CDC5L: variants seen among roughly 807,000 people sequenced by gnomAD.
The protein encoded by CDC5L is cell division cycle 5 like, also known as cell division cycle 5-like protein.
CDC5L carries 18 observed loss-of-function variants against 104.1 expected under a neutral mutation model. The ratio of observed to expected loss-of-function variants is 0.17; its 90% CI spans 0.12 to 0.26. The LOEUF is 0.26. Ranked by LOEUF, CDC5L falls within the 10% of genes least tolerant of loss-of-function variation. The pLI, the probability that CDC5L is intolerant of heterozygous loss-of-function variation, is 1.00. For missense variants in CDC5L, 673 were observed against 956.9 expected (o/e 0.70, Z 3.91); for synonymous variants, 331 against 322.7 (o/e 1.03, Z -0.28).
chr6:44,401,507 C>G (rs1161913349), intron 5 of CDC5L, among the ~76,000 whole-genome samples: 1 of 152,076 alleles, frequency 6.6e-6, no homozygotes, highest in Non-Finnish European at 1.5e-5. Flanking sequence ...AATGAAAGCC[C>G]TACTACTGGG....
chr6:44,408,624 A>C lies in CDC5L; in HGVS notation c.1084A>C (p.Ile362Leu). The change falls in exon 8 of 16, where the codon ATT becomes CTT. Residue 362 changes from isoleucine (I) to leucine (L), a missense_variant. Ile to Leu is a conservative substitution (Grantham distance 5). Transcript: ENST00000371477. ...ACGAACACCAGCTTCCCAGGACAGA[A>C]TTCTGCAGGTAACGTGTCACGTAGT... ...TPRTPASQDR[I>L]LQEAQNLMAL... 1 of 1,596,190 alleles carries C rather than the reference A, an allele frequency of 6.3e-7. No homozygotes were observed. Among genetic ancestry groups the C allele is most frequent in the South Asian group, 1.1e-5 (1 of 89,954 alleles).
chr6:44,424,287 T>C, intron 10 of CDC5L, 132 bp from the exon 11 acceptor site: 1 of 757,156 alleles, frequency 1.3e-6, no homozygotes, highest in Non-Finnish European at 2.1e-6. Flanking sequence ...CCAATTATTC[T>C]TAGTTATTTT....
intron 8 of CDC5L, among the ~76,000 whole-genome samples, chr6:44,412,349 G>C (rs1791682151): frequency 6.6e-6 from 1 of 151,470 alleles, no homozygotes; most frequent in South Asian, 2.1e-4. Context: ...CCATTACCCA[G>C]GCTGGAGTGC....
intron 14 of CDC5L, among the ~76,000 whole-genome samples, chr6:44,430,720 G>A (rs962433249): frequency 3.3e-5 from 5 of 151,612 alleles, no homozygotes; most frequent in African/African-American, 7.3e-5. Flanking sequence ...CTACAGGCAC[G>A]CCCCACCACG....
intron 5 of CDC5L, among the ~76,000 whole-genome samples, chr6:44,401,445 C>T (rs901888425): frequency 6.6e-6 from 1 of 152,058 alleles, no homozygotes; most frequent in Non-Finnish European, 1.5e-5. Flanking sequence ...ACTTTTCAGC[C>T]ACTCTTGATG....
Position 44,393,487 on chromosome 6 carries a change from A to G in CDC5L, c.353A>G (p.Asp118Gly), listed in dbSNP as rs1261054288. The G allele has an allele frequency of 6.2e-7, 1 of 1,614,034 alleles. No homozygotes were observed. The highest frequency in any genetic ancestry group is 8.5e-7 in the Non-Finnish European group (1 of 1,179,916). Residue 118 changes from aspartate to glycine, a missense_variant, in exon 4 of 16, where the codon GAT becomes GGT. This residue lies in a region of CDC5L where 74 missense variants were observed against 123.5 expected (regional missense o/e 0.60). Transcript: ENST00000371477. Reference protein sequence around the residue: ...AQRDNEEETTDDPRKLKPGEI... With the variant: ...AQRDNEEETTGDPRKLKPGEI... ...AGAGACAATGAAGAGGAAACAACAGATGATCCACGAAAACTTAAACCTGGA... is the reference window on the plus strand; with the variant it reads ...AGAGACAATGAAGAGGAAACAACAGGTGATCCACGAAAACTTAAACCTGGA...
In CDC5L at chr6:44,391,076, A is replaced by G. The variant is rs13212379; in HGVS notation, c.149+705A>G. Among the ~76,000 whole-genome samples, 86 of 104,412 alleles carry G rather than the reference A, an allele frequency of 8.2e-4. 3 individuals are homozygous for G. The highest frequency in any genetic ancestry group is 2.9e-3 in the South Asian group (6 of 2,098). The allele number at this position is 104,412 out of a possible 152,430, so 68.5% of individuals were successfully genotyped here. On this transcript the variant is annotated intron_variant, in intron 2 of 15. Transcript: ENST00000371477. ...ATTAAACATATTTAATATGTTATAT[A>G]TTATATATTAAACATTTAATATGTT... is the stretch of plus-strand genomic sequence containing the variant.
In CDC5L at chr6:44,429,749, A is replaced by G. The variant is rs779214308; in HGVS notation, c.1930A>G (p.Lys644Glu). The G allele has an allele frequency of 3.7e-6, 6 of 1,613,984 alleles. No homozygotes were observed. The highest frequency in any genetic ancestry group is 5.1e-6 in the Non-Finnish European group (6 of 1,179,950). Residue 644 changes from lysine (K) to glutamate (E), a missense_variant, in exon 14 of 16, where the codon AAA becomes GAA. Coordinates refer to ENST00000371477, the MANE Select transcript of CDC5L (RefSeq NM_001253.4). The part of the protein sequence containing the change: ...DVLVQEMEVV[K>E]QGMSHGELSS... ...TTTGGTGCAGGAGATGGAAGTGGTT[A>G]AACAAGGAATGAGCCATGGAGAGCT...
rs760310212 is a variant in CDC5L, at chr6:44,422,715, C to G, written c.1310C>G (p.Ser437Cys). The G allele has an allele frequency of 4.3e-6, 7 of 1,612,868 alleles. No homozygotes were observed. The South Asian group carries it at 7.7e-5, about 18-fold the overall frequency. Reference protein sequence around the residue: ...SGTTPKPVINSTPGRTPLRDK... With the variant: ...SGTTPKPVINCTPGRTPLRDK... ...ACAACTCCCAAACCAGTTATTAACTCTACTCCGGGTAGAACTCCTCTTCGA... is the reference window on the plus strand; with the variant it reads ...ACAACTCCCAAACCAGTTATTAACTGTACTCCGGGTAGAACTCCTCTTCGA... Residue 437 changes from serine (S) to cysteine (C), a missense_variant, in exon 10 of 16, where the codon TCT becomes TGT. By Grantham distance (112) the Ser-to-Cys change is moderately radical. This residue lies in a region of CDC5L where 578 missense variants were observed against 737.0 expected (regional missense o/e 0.78). Transcript: ENST00000371477.
chr6:44,391,113 A>G (rs921013016), intron 2 of CDC5L, among the ~76,000 whole-genome samples: 2 of 143,466 alleles, frequency 1.4e-5, no homozygotes, highest in African/African-American at 2.7e-5. Flanking sequence ...TATATTATAT[A>G]TTAAACATAT....
chr6:44,424,470 C>G lies in CDC5L; in HGVS notation c.1456C>G (p.Pro486Ala). Residue 486 changes from proline (P) to alanine (A), a missense_variant, in exon 11 of 16, where the codon CCT becomes GCT. Physicochemically the swap from Pro to Ala is conservative, Grantham distance 27. Coordinates refer to ENST00000371477, the MANE Select transcript of CDC5L (RefSeq NM_001253.4). ...TTTAGGGTTGTTGGGCCTTCCTGCC[C>G]CTAAGAATGATTTTGAAATTGTTCT... ...LRLGLLGLPA[P>A]KNDFEIVLPE... 6.2e-7 allele frequency: 1 copy of G among 1,613,770 alleles called. No individual in the cohort carries two copies. Among genetic ancestry groups the G allele is most frequent in the Non-Finnish European group, 8.5e-7 (1 of 1,179,866 alleles).
chr6:44,445,753 G>T lies in CDC5L; in HGVS notation c.2190G>T (p.Gly730=), dbSNP rs761734242. 1.2e-6 allele frequency: 2 copies of T among 1,613,956 alleles called. No homozygotes were observed. Among genetic ancestry groups the T allele is most frequent in the Admixed American group, 1.7e-5 (1 of 60,010 alleles). The change falls in exon 15 of 16, where the codon GGG becomes GGT. Residue 730 remains glycine, a synonymous_variant. Coordinates refer to ENST00000371477, the MANE Select transcript of CDC5L (RefSeq NM_001253.4). ...GGGGTTACCAGTCTCGTGCTATGGG[G>T]CTCATGAAACAGTTGAATGACTTAT... ...LLGGYQSRAM[G]LMKQLNDLWD... is the part of the protein sequence containing the mutation.
intron 4 of CDC5L, among the ~76,000 whole-genome samples, chr6:44,394,888 GTATA>G (rs1790792578): frequency 1.2e-4 from 1 of 8,546 alleles, no homozygotes; most frequent in African/African-American, 4.1e-4. Flanking sequence ...AAAAAAAATG[GTATA>G]CACACACACA....
rs1468959321 is a variant in CDC5L at position 44,424,411 on chromosome 6, T to C, written c.1405-8T>C. Reference sequence around the variant, plus strand: ...CATGAATTGAGAAGGACCACTTCTTTTCTACAGGAAAGAGAATCCCGAGAA... The same window carrying C: ...CATGAATTGAGAAGGACCACTTCTTCTCTACAGGAAAGAGAATCCCGAGAA... On this transcript the variant is annotated splice_polypyrimidine_tract_variant and splice_region_variant and intron_variant, in intron 10 of 15. Transcript: ENST00000371477. 6.2e-7 allele frequency: 1 copy of C among 1,609,362 alleles called. No individual in the cohort carries two copies.
At position 44,436,107 on chromosome 6, in the gene CDC5L, G is replaced by T. The variant is rs183617610; in HGVS notation, c.2091+6197G>T. Among the ~76,000 whole-genome samples the T allele has an allele frequency of 6.5e-4, 99 of 152,214 alleles. 2 individuals are homozygous for T. The East Asian group carries it at 0.017, about 26-fold the overall frequency. ...AATTGTTTTTATTTGATGGAAGCAT[G>T]AGTTTGAGATAATATAAGATTAAAT... On this transcript the variant is annotated intron_variant, in intron 14 of 15. Transcript: ENST00000371477.
rs6942323 is a variant in CDC5L at position 44,392,943 on chromosome 6, A to G, written c.311+115A>G. On this transcript the variant is annotated intron_variant, in intron 3 of 15. Coordinates refer to ENST00000371477, the MANE Select transcript of CDC5L (RefSeq NM_001253.4). ...TTAATTATGGATGTGAGTAAACCCA[A>G]AGCTAAAGCCATTGGATAATATTTT... 0.78 allele frequency: 656,250 copies of G among 842,448 alleles called. 266,653 individuals carry two copies. Among genetic ancestry groups the G allele is most frequent in the Non-Finnish European group, 0.86 (483,438 of 559,042 alleles). 52.2% of individuals were successfully genotyped at this position (842,448 alleles called of 1,614,324 possible).
chr6:44,436,358 G>T lies in CDC5L; in HGVS notation c.2091+6448G>T, dbSNP rs562160990. On this transcript the variant is annotated intron_variant, in intron 14 of 15. Transcript: ENST00000371477. ...AGTTTTAGACATGGGCTGATTTTAG[G>T]AGAGAGATTGTTGTACTGAGTGAAG... Among the ~76,000 whole-genome samples, 110 of 152,186 alleles carry T rather than the reference G, an allele frequency of 7.2e-4. 1 individual carries two copies. Among genetic ancestry groups the T allele is most frequent in the Non-Finnish European group, 9.3e-4 (63 of 68,038 alleles).
chr6:44,398,714 T>A (rs868006103), intron 5 of CDC5L, among the ~76,000 whole-genome samples: 1 of 152,268 alleles, frequency 6.6e-6, no homozygotes, highest in African/African-American at 2.4e-5. Flanking sequence ...AGCATTATTG[T>A]GTAAAGGTTT....
rs1223376499 is a variant in CDC5L, at chr6:44,446,941, A to G, written c.*230A>G. ...AGGCTATCATTCTTTTAGTAATGTC[A>G]TATTTGCAAACTTTTTTAGTTTTGG... On this transcript the variant is annotated 3_prime_UTR_variant, in exon 16 of 16. Coordinates refer to ENST00000371477, the MANE Select transcript of CDC5L (RefSeq NM_001253.4). 1 of 307,940 alleles carries G rather than the reference A, an allele frequency of 3.2e-6. No homozygotes were observed. The highest frequency in any genetic ancestry group is 5.9e-6 in the Non-Finnish European group (1 of 169,382). 19.1% of individuals were successfully genotyped at this position (307,940 alleles called of 1,614,324 possible). A position where few individuals can be genotyped will look rare whatever the true frequency, so the allele number is the denominator to read the frequency against.
Sources: allele counts gnomAD v4.1 joint callset (sites outside exome capture counted in the v4.1 genomes callset), GRCh38; gene constraint gnomAD v4.1.1; regional missense constraint gnomAD v4.1.1; transcripts MANE v1.5; gene names NCBI Gene and HGNC (gene_info 2026-07-23, HGNC 2026-07-21).